Variants in SLK observed in about 807,000 individuals in gnomAD.
SLK encodes STE20-like serine/threonine-protein kinase.
SLK carries 67 observed loss-of-function variants against 147.7 expected under a neutral mutation model. That is an observed-to-expected ratio of 0.45 (90% confidence interval 0.37 to 0.56). The LOEUF is 0.56. Ranked by LOEUF, SLK falls within the 20% of genes least tolerant of loss-of-function variation. The pLI is 0.00. For missense variants in SLK, 1,136 were observed against 1,438.8 expected (o/e 0.79, Z 3.41); for synonymous variants, 441 against 475.0 (o/e 0.93, Z 0.93).
In SLK at chr10:104,003,186, C is replaced by G; in HGVS notation, c.2008C>G (p.Gln670Glu). 1 of 1,613,878 alleles carries G rather than the reference C, an allele frequency of 6.2e-7. No homozygotes were observed. Among genetic ancestry groups the G allele is most frequent in the Non-Finnish European group, 8.5e-7 (1 of 1,179,922 alleles). The change falls in exon 9 of 19, where the codon CAG (glutamine) becomes GAG (glutamate). Residue 670 changes from glutamine (Q) to glutamate (E), a missense_variant. Physicochemically the swap from Gln to Glu is conservative, Grantham distance 29 (BLOSUM62 2). This residue lies in a region of SLK where 516 missense variants were observed against 531.3 expected (regional missense o/e 0.97). Transcript: ENST00000369755. ...CCAAAAGGCTTTAGGAAGTGAAGTT[C>G]AGGATGCTTCTAAAGTCACTACTCA... ...TDQKALGSEVQDASKVTTQID... is the reference protein window; with the variant it reads ...TDQKALGSEVEDASKVTTQID...
At chr10:104,021,520 T>C (rs1844533557) in intron 17 of SLK, 100 bp from the exon 18 acceptor site, 1 of 642,648 alleles carries the variant, frequency 1.6e-6, no homozygotes, top group Non-Finnish European at 2.8e-6. Flanking sequence ...AGTAATAGCA[T>C]GATATTTGAT....
chr10:104,024,985 G>T (rs1844579155), intron 18 of SLK, among the ~76,000 whole-genome samples: 7 of 152,160 alleles, frequency 4.6e-5, no homozygotes, highest in Admixed American at 4.6e-4. Context: ...GCACATTAGG[G>T]ATTAGGTTTT....
At chr10:104,007,795 A>AT (rs1016390142) in intron 11 of SLK, among the ~76,000 whole-genome samples, 2 of 151,696 alleles carry the variant, frequency 1.3e-5, no homozygotes, top group African/African-American at 2.4e-5. Flanking sequence ...AAATAAATAA[A>AT]TAAAAAGATA....
chr10:103,996,794 C>G (rs1452944013), intron 4 of SLK, among the ~76,000 whole-genome samples: 1 of 152,060 alleles, frequency 6.6e-6, no homozygotes, highest in African/African-American at 2.4e-5. Context: ...TTGTTTGTTC[C>G]CTTGCATTGA....
At chr10:103,980,954 A>G (rs1207391077) in intron 1 of SLK, among the ~76,000 whole-genome samples, 1 of 152,144 alleles carries the variant, frequency 6.6e-6, no homozygotes, top group Non-Finnish European at 1.5e-5. Context: ...TTTGTGCACA[A>G]GAGTTCTAAT....
At position 103,998,900 on chromosome 10, in the gene SLK, G is replaced by T. The variant is rs1203952937; in HGVS notation, c.516G>T (p.Ala172=). 6.2e-7 allele frequency: 1 copy of T among 1,607,808 alleles called. No homozygotes were observed. The highest frequency in any genetic ancestry group is 1.1e-5 in the South Asian group (1 of 90,832). ...ATGCTTTTGTGTGATTATTTCAAGCGGATTTTGGAGTATCAGCTAAAAACA... is the reference window on the plus strand; with the variant it reads ...ATGCTTTTGTGTGATTATTTCAAGCTGATTTTGGAGTATCAGCTAAAAACA... The part of the protein sequence containing the change: ...LFTLDGDIKL[A]DFGVSAKNTR... The change falls in exon 5 of 19, where the codon GCG becomes GCT. Residue 172 remains alanine, a splice_region_variant and synonymous_variant. Coordinates refer to ENST00000369755, the MANE Select transcript of SLK (RefSeq NM_014720.4).
rs935252449 is a variant in SLK at position 103,967,236 on chromosome 10, G to C, written c.-510G>C. 6.6e-6 allele frequency: 1 copy of C among 151,736 alleles called. No homozygotes were observed. The highest frequency in any genetic ancestry group is 2.4e-5 in the African/African-American group (1 of 41,304). The allele number at this position is 151,736 out of a possible 1,614,324, so 9.4% of individuals were successfully genotyped here. A position where few individuals can be genotyped will look rare whatever the true frequency, so the allele number is the denominator to read the frequency against. Reference sequence around the variant, plus strand: ...CGCCCCAGACCCGAGGGGACGCGCGGGCCTTGCGCCGCGGGAGCGGACGGC... The same window carrying C: ...CGCCCCAGACCCGAGGGGACGCGCGCGCCTTGCGCCGCGGGAGCGGACGGC... On this transcript the variant is annotated 5_prime_UTR_variant, in exon 1 of 19. Transcript: ENST00000369755.
At position 103,992,614 on chromosome 10, in the gene SLK, G is replaced by A; in HGVS notation, c.332G>A (p.Cys111Tyr). The change falls in exon 3 of 19, where the codon TGT becomes TAT. Residue 111 changes from cysteine to tyrosine, a missense_variant. Cys to Tyr is a radical substitution (Grantham distance 194). This residue lies in a region of SLK where 126 missense variants were observed against 141.3 expected (regional missense o/e 0.89). Transcript: ENST00000369755. ...TGCATGCAGATCCTCATTGAATTTT[G>A]TGCAGGTGGAGCAGTAGATGCTGTG... ...ENNLWILIEFCAGGAVDAVML... is the reference protein window; with the variant it reads ...ENNLWILIEFYAGGAVDAVML... 1 of 1,060,914 alleles carries A rather than the reference G, an allele frequency of 9.4e-7. No homozygotes were observed. Among genetic ancestry groups the A allele is most frequent in the Non-Finnish European group, 1.2e-6 (1 of 824,474 alleles). The allele number at this position is 1,060,914 out of a possible 1,614,324, so 65.7% of individuals were successfully genotyped here.
intron 1 of SLK, 51 bp from the exon 2 acceptor site, chr10:103,990,624 T>C: frequency 1.8e-6 from 2 of 1,081,524 alleles, no homozygotes; most frequent in Non-Finnish European, 1.3e-6. Flanking sequence ...TAATAAAAAA[T>C]TAGAAAATGA....
intron 13 of SLK, among the ~76,000 whole-genome samples, chr10:104,013,266 A>AT (rs1844421643): frequency 1.3e-5 from 2 of 152,250 alleles, no homozygotes; most frequent in African/African-American, 2.4e-5. Flanking sequence ...ACTAACAGGA[A>AT]TTTTGACTTT....
chr10:104,002,351 A>G lies in SLK; in HGVS notation c.1173A>G (p.Glu391=), dbSNP rs1844260632. The G allele has an allele frequency of 6.2e-7, 1 of 1,613,356 alleles. No individual in the cohort carries two copies. The highest frequency in any genetic ancestry group is 1.3e-5 in the African/African-American group (1 of 74,870). The change falls in exon 9 of 19, where the codon GAA becomes GAG. Residue 391 remains glutamate (E), a synonymous_variant. Coordinates refer to ENST00000369755, the MANE Select transcript of SLK (RefSeq NM_014720.4). The part of the protein sequence containing the change: ...LNEKPTTDEP[E]KAVEDINEHI... ...AAAAACCCACCACTGATGAACCTGA[A>G]AAGGCTGTGGAGGATATTAATGAAC...
intron 13 of SLK, among the ~76,000 whole-genome samples, chr10:104,012,685 G>A (rs769214333): frequency 4.4e-4 from 67 of 152,230 alleles, no homozygotes; most frequent in Non-Finnish European, 7.8e-4. Context: ...ACACTGATTC[G>A]CTGCACCATG....
chr10:104,020,043 C>T (rs1400680311), intron 16 of SLK, 121 bp downstream of exon 16: 12 of 755,728 alleles, frequency 1.6e-5, no homozygotes, highest in Non-Finnish European at 2.4e-5. Context: ...TTGATGTTCA[C>T]TTTAATTCTG....
intron 2 of SLK, 32 bp downstream of exon 2, chr10:103,990,871 C>T (rs1844084230): frequency 7.4e-7 from 1 of 1,346,588 alleles, no homozygotes; most frequent in African/African-American, 1.5e-5. Context: ...AAAGGAGTAG[C>T]CAAAATGAGT....
At chr10:103,990,594 A>G in intron 1 of SLK, 81 bp from the exon 2 acceptor site, 1 of 801,500 alleles carries the variant, frequency 1.2e-6, no homozygotes, top group Non-Finnish European at 1.9e-6. Flanking sequence ...ATATGAATTA[A>G]AACTTAAAAT....
intron 18 of SLK, among the ~76,000 whole-genome samples, chr10:104,023,924 G>A (rs183863671): frequency 6.6e-6 from 1 of 152,204 alleles, no homozygotes; most frequent in East Asian, 1.9e-4. Context: ...TATAAACTCA[G>A]TAGAGAGAAA....
intron 6 of SLK, 65 bp from the exon 7 acceptor site, chr10:103,999,800 CAA>C (rs1164002412): frequency 6.1e-6 from 4 of 653,034 alleles, no homozygotes; most frequent in South Asian, 4.2e-5. Context: ...CATAACTTAT[CAA>C]AGAGTTTTGT....
chr10:104,020,594 G>A lies in SLK; in HGVS notation c.3428G>A (p.Arg1143His), dbSNP rs539493701. 7.6e-5 allele frequency: 122 copies of A among 1,613,114 alleles called. No homozygotes were observed. Among genetic ancestry groups the A allele is most frequent in the Non-Finnish European group, 9.1e-5 (107 of 1,179,624 alleles). The change falls in exon 17 of 19, where the codon CGC becomes CAC. Residue 1143 changes from arginine to histidine, a missense_variant. Around this residue, in one of 6 missense-constraint regions of SLK, gnomAD observed 327 missense variants for 457.5 expected, o/e 0.71. Coordinates refer to ENST00000369755, the MANE Select transcript of SLK (RefSeq NM_014720.4). ...CAGTTGCAGTGTGAAGCCAATGTCC[G>A]CGAACTGCATCAGCTGCAGGTCAGA... ...DLQLQCEANVRELHQLQNEKC... is the reference protein window; with the variant it reads ...DLQLQCEANVHELHQLQNEKC...
In SLK at chr10:104,019,947, T is replaced by C. The variant is rs767867007; in HGVS notation, c.3321+25T>C. 3.2e-6 allele frequency: 5 copies of C among 1,562,056 alleles called. No individual in the cohort carries two copies. In the Admixed American group the frequency reaches 9.4e-5, roughly 30 times the overall value. On this transcript the variant is annotated intron_variant, in intron 16 of 18. Transcript: ENST00000369755. ...GGTAAATATGCAAGTTAGTCTCTTC[T>C]CTTTTAGGTTTAAAATTTTTGAATG... is the stretch of plus-strand genomic sequence containing the variant.
Sources: gnomAD v4.1 joint callset for allele counts (sites outside exome capture counted in the v4.1 genomes callset) on GRCh38, gnomAD v4.1.1 for gene constraint, gnomAD v4.1.1 regional missense constraint, MANE v1.5 for transcripts, NCBI Gene and HGNC (gene_info 2026-07-23, HGNC 2026-07-21) for gene names.